The following DGKG variants were observed in gnomAD, a reference collection of about 807,000 sequenced individuals.
DGKG encodes diacylglycerol kinase gamma.
DGKG carries 78 observed loss-of-function variants against 105.3 expected under a neutral mutation model. The observed-to-expected ratio is 0.74, with a 90% CI of 0.62 to 0.89. The LOEUF is 0.89. Among genes scored for constraint, DGKG ranks in the 40% least tolerant of loss-of-function variants. The pLI is 0.00. For missense variants in DGKG, 958 were observed against 1,020.1 expected (o/e 0.94, Z 0.83); for synonymous variants, 346 against 367.1 (o/e 0.94, Z 0.66).
At chr3:186,246,489 A>T (rs1720945901) in intron 19 of DGKG, among the ~76,000 whole-genome samples, 2 of 152,248 alleles carry the variant, frequency 1.3e-5, no homozygotes, top group South Asian at 4.1e-4. Context: ...ACATTGGATA[A>T]CACAGGTCTA....
intron 1 of DGKG, among the ~76,000 whole-genome samples, chr3:186,341,955 G>A (rs1726107474): frequency 6.6e-6 from 1 of 152,162 alleles, no homozygotes; most frequent in Non-Finnish European, 1.5e-5. Context: ...TCATAGGTGG[G>A]AATTGAACAA....
At chr3:186,247,878 T>C (rs1291823019) in intron 19 of DGKG, among the ~76,000 whole-genome samples, 1 of 152,206 alleles carries the variant, frequency 6.6e-6, no homozygotes, top group African/African-American at 2.4e-5. Context: ...CCAAGGTAGG[T>C]AAATTATCTT....
intron 20 of DGKG, among the ~76,000 whole-genome samples, chr3:186,227,824 C>T (rs4686751): frequency 0.49 from 74,880 of 151,888 alleles, 19,474 homozygotes; most frequent in East Asian, 0.91. Flanking sequence ...AAAATATGGG[C>T]GACTGAATAT....
At chr3:186,303,678 A>C (rs1578804997) in intron 3 of DGKG, among the ~76,000 whole-genome samples, 1 of 152,130 alleles carries the variant, frequency 6.6e-6, no homozygotes, top group Non-Finnish European at 1.5e-5. Context: ...CCACCAAGCC[A>C]CCTGCCTCTT....
In DGKG at chr3:186,170,745, C is replaced by T. The variant is rs535121298; in HGVS notation, c.2096-5727G>A. The stretch of plus-strand genomic sequence containing the variant: ...ACTTTCCTTTTTCTCCACATTCACC[C>T]GGACAACTCCCAATGGTCAGTCTAT... On this transcript the variant is annotated intron_variant, in intron 22 of 24. Transcript: ENST00000265022. 4.3e-4 allele frequency among the ~76,000 whole-genome samples: 65 copies of T among 152,300 alleles called. 1 individual carries two copies. Among genetic ancestry groups the T allele is most frequent in the South Asian group, 2.3e-3 (11 of 4,832 alleles).
chr3:186,167,766 CACT>C (rs1323195729), intron 22 of DGKG, among the ~76,000 whole-genome samples: 3 of 103,478 alleles, frequency 2.9e-5, no homozygotes, highest in Non-Finnish European at 4.3e-5. Context: ...GGAATTCACT[CACT>C]CACTCACTCA....
intron 21 of DGKG, among the ~76,000 whole-genome samples, chr3:186,208,875 T>A (rs1718878802): frequency 6.6e-6 from 1 of 152,218 alleles, no homozygotes; most frequent in East Asian, 1.9e-4. Context: ...GGTTCCAAGC[T>A]AAATTCACTC....
In DGKG at chr3:186,149,905, G is replaced by A. The variant is rs745980579; in HGVS notation, c.*185C>T. On this transcript the variant is annotated 3_prime_UTR_variant, in exon 25 of 25. Coordinates refer to ENST00000265022, the MANE Select transcript of DGKG (RefSeq NM_001346.3). ...TGGCTCTGTTAGGGGTGTACCCACT[G>A]TTGAAACAGAATGTATGGCAAGGTG... The A allele has an allele frequency of 9.1e-5, 128 of 1,412,490 alleles. No individual in the cohort carries two copies. The highest frequency in any genetic ancestry group is 1.1e-4 in the Non-Finnish European group (124 of 1,088,580). The allele number at this position is 1,412,490 out of a possible 1,614,324, so 87.5% of individuals were successfully genotyped here.
chr3:186,268,675 G>T, intron 12 of DGKG, 126 bp downstream of exon 12: 1 of 659,124 alleles, frequency 1.5e-6, no homozygotes, highest in East Asian at 2.7e-5. Context: ...AGGCGCTGTG[G>T]GGTCCTCCTA....
chr3:186,259,521 C>T (rs2268835), intron 16 of DGKG, among the ~76,000 whole-genome samples: 26,046 of 152,168 alleles, frequency 0.17, 2,789 homozygotes, highest in African/African-American at 0.29. Flanking sequence ...CTGCCATAAA[C>T]AATAGCTTTG....
chr3:186,277,132 T>C (rs1722624299), intron 9 of DGKG, among the ~76,000 whole-genome samples: 1 of 148,732 alleles, frequency 6.7e-6, no homozygotes, highest in African/African-American at 2.4e-5. Context: ...TAATGATTCA[T>C]CAAAAGATTG....
chr3:186,348,916 A>G (rs867431328), intron 1 of DGKG, among the ~76,000 whole-genome samples: 44 of 152,242 alleles, frequency 2.9e-4, no homozygotes, highest in Middle Eastern at 3.4e-3. Context: ...AATTTTCACC[A>G]GAATATACTT....
intron 24 of DGKG, among the ~76,000 whole-genome samples, 200 bp from the exon 25 acceptor site, chr3:186,150,388 G>A (rs903817028): frequency 3.9e-5 from 6 of 152,098 alleles, no homozygotes; most frequent in African/African-American, 9.7e-5. Context: ...AGTGAGGGGC[G>A]GAAGCACTGG....
chr3:186,307,858 C>T (rs1724326136), intron 2 of DGKG, among the ~76,000 whole-genome samples: 1 of 148,856 alleles, frequency 6.7e-6, no homozygotes, highest in Non-Finnish European at 1.5e-5. Context: ...TCTTCTACTT[C>T]TGGAATCTTG....
rs193282272 is a variant in DGKG at position 186,174,342 on chromosome 3, A to G, written c.2096-9324T>C. On this transcript the variant is annotated intron_variant, in intron 22 of 24. Coordinates refer to ENST00000265022, the MANE Select transcript of DGKG (RefSeq NM_001346.3). Reference sequence around the variant, plus strand: ...GTACTCAAGAAGTTCCGACTTTGCTACACAGTAAGTGCATGGCCTTCTGTA... The same window carrying G: ...GTACTCAAGAAGTTCCGACTTTGCTGCACAGTAAGTGCATGGCCTTCTGTA... Among the ~76,000 whole-genome samples, 222 of 152,298 alleles carry G rather than the reference A, an allele frequency of 1.5e-3. 1 individual carries two copies. The highest frequency in any genetic ancestry group is 5.0e-3 in the African/African-American group (208 of 41,560).
rs1578832666 is a variant in DGKG at position 186,322,105 on chromosome 3, C to G, written c.-248-1398G>C. On this transcript the variant is annotated intron_variant, in intron 1 of 24. Coordinates refer to ENST00000265022, the MANE Select transcript of DGKG (RefSeq NM_001346.3). ...ATGTTTCTGGGTGTTTCTTGTCAGT[C>G]TCCTTCAGCCTCTTCTTTTGCCATC... 2.0e-5 allele frequency among the ~76,000 whole-genome samples: 3 copies of G among 152,284 alleles called. No homozygotes were observed. In the South Asian group the frequency reaches 6.2e-4, roughly 32 times the overall value.
chr3:186,280,949 C>T (rs1722805141), intron 7 of DGKG: 1 of 523,900 alleles, frequency 1.9e-6, no homozygotes, highest in Admixed American at 3.1e-5. Context: ...CATGCATAAG[C>T]TGGAGGTATG....
At chr3:186,297,012 C>A (rs370726368) in intron 5 of DGKG, among the ~76,000 whole-genome samples, 2 of 151,750 alleles carry the variant, frequency 1.3e-5, no homozygotes, top group East Asian at 3.9e-4. Flanking sequence ...GTAGAGTCAT[C>A]TGCACCTCAG....
rs1721312649 is a variant in DGKG at position 186,253,277 on chromosome 3, C to A, written c.1511-95G>T. The A allele has an allele frequency of 1.7e-5, 16 of 949,124 alleles. No individual in the cohort carries two copies. The Admixed American group carries it at 2.9e-4, about 17-fold the overall frequency. The allele number at this position is 949,124 out of a possible 1,614,324, so 58.8% of individuals were successfully genotyped here. A position where few individuals can be genotyped will look rare whatever the true frequency, so the allele number is the denominator to read the frequency against. ...TCCCTGATCTGATGCTTGAACCCCT[C>A]CATAGCATTCTTTGTTTGAATACCA... On this transcript the variant is annotated intron_variant, in intron 17 of 24. Transcript: ENST00000265022.
Sources: gnomAD v4.1 joint callset for allele counts (sites outside exome capture counted in the v4.1 genomes callset) on GRCh38, gnomAD v4.1.1 for gene constraint, MANE v1.5 for transcripts, NCBI Gene and HGNC (gene_info 2026-07-23, HGNC 2026-07-21) for gene names.